The following PHIP variants were observed in gnomAD, a reference collection of about 807,000 sequenced individuals.
PHIP encodes PHIP subunit of CUL4-Ring ligase complex.
Under a neutral mutation model 236.8 loss-of-function variants are expected in PHIP, and 54 were observed. The ratio of observed to expected loss-of-function variants is 0.23; its 90% CI spans 0.18 to 0.29. PHIP has a LOEUF of 0.29. Among genes scored for constraint, PHIP ranks in the 10% least tolerant of loss-of-function variants. PHIP has a pLI of 1.00. For synonymous variants in PHIP, 756 were observed against 718.9 expected (o/e 1.05, Z -0.83); for missense variants, 1,370 against 2,190.8 (o/e 0.63, Z 7.48).
intron 4 of PHIP, among the ~76,000 whole-genome samples, chr6:79,070,445 A>G (rs556374747): frequency 6.6e-6 from 1 of 152,362 alleles, no homozygotes; most frequent in South Asian, 2.1e-4. Context: ...TGTTTCAGAC[A>G]ACGGATGTTT....
Position 79,020,573 on chromosome 6 carries a change from A to T in PHIP, c.924-1414T>A, listed in dbSNP as rs148856247. Among the ~76,000 whole-genome samples, 96 of 152,348 alleles carry T rather than the reference A, an allele frequency of 6.3e-4. 1 individual carries two copies. The South Asian group carries it at 8.1e-3, about 13-fold the overall frequency. Reference sequence around the variant, plus strand: ...TTTAATTTTTGGTACATCTGCTCACATAAGTTCCAAGCAACCATTTACCTG... The same window carrying T: ...TTTAATTTTTGGTACATCTGCTCACTTAAGTTCCAAGCAACCATTTACCTG... On this transcript the variant is annotated intron_variant, in intron 9 of 39. Coordinates refer to ENST00000275034, the MANE Select transcript of PHIP (RefSeq NM_017934.7).
chr6:78,943,781 G>A (rs1237111119), intron 39 of PHIP, among the ~76,000 whole-genome samples: 3 of 152,034 alleles, frequency 2.0e-5, no homozygotes, highest in Non-Finnish European at 4.4e-5. Context: ...GAGGCCAGAA[G>A]TTTGAGACCA....
chr6:79,046,081 A>G (rs1772469584), intron 6 of PHIP, among the ~76,000 whole-genome samples: 1 of 152,084 alleles, frequency 6.6e-6, no homozygotes, highest in Non-Finnish European at 1.5e-5. Context: ...ACATCAGCCT[A>G]AGACGGCCCT....
At position 78,938,486 on chromosome 6, in the gene PHIP, C is replaced by A. The variant is rs1773353475; in HGVS notation, c.*2207G>T. On this transcript the variant is annotated 3_prime_UTR_variant, in exon 40 of 40. Transcript: ENST00000275034. Reference sequence around the variant, plus strand: ...TTATAGCCTATTATTTTTTTCTTAACACAATGCAGATAACATCAGGAAATT... The same window carrying A: ...TTATAGCCTATTATTTTTTTCTTAAAACAATGCAGATAACATCAGGAAATT... 1 of 151,400 alleles carries A rather than the reference C, an allele frequency of 6.6e-6. No individual in the cohort carries two copies. The highest frequency in any genetic ancestry group is 2.1e-4 in the South Asian group (1 of 4,830). The allele number at this position is 151,400 out of a possible 1,614,324, so 9.4% of individuals were successfully genotyped here. A position where few individuals can be genotyped will look rare whatever the true frequency, so the allele number is the denominator to read the frequency against.
intron 4 of PHIP, among the ~76,000 whole-genome samples, chr6:79,068,320 G>A (rs930998195): frequency 5.9e-5 from 9 of 152,094 alleles, no homozygotes; most frequent in South Asian, 2.1e-4. Flanking sequence ...AAAATTAGCC[G>A]GACGTGGTGG....
chr6:78,942,321 A>AAG (rs1773546834), intron 39 of PHIP, among the ~76,000 whole-genome samples: 1 of 152,148 alleles, frequency 6.6e-6, no homozygotes, highest in Non-Finnish European at 1.5e-5. Context: ...CGTCTCTACT[A>AAG]AAAGTACAAA....
chr6:78,947,994 G>A (rs1434155336), intron 35 of PHIP, among the ~76,000 whole-genome samples: 1 of 151,222 alleles, frequency 6.6e-6, no homozygotes, highest in Non-Finnish European at 1.5e-5. Context: ...TCTTATTCAA[G>A]AACACAGAAG....
At chr6:79,064,769 C>A (rs958768742) in intron 4 of PHIP, among the ~76,000 whole-genome samples, 2 of 152,162 alleles carry the variant, frequency 1.3e-5, no homozygotes, top group African/African-American at 4.8e-5. Context: ...AGTTCCAGAT[C>A]CTCTTTTCTT....
At chr6:78,998,494 T>C (rs1249124583) in intron 17 of PHIP, 103 bp from the exon 18 acceptor site, 6 of 843,062 alleles carry the variant, frequency 7.1e-6, no homozygotes, top group Non-Finnish European at 1.1e-5. Context: ...TAAATGTTGC[T>C]TGGGTAAAAG....
Position 79,003,802 on chromosome 6 carries a change from C to T in PHIP, c.1581G>A (p.Gln527=). 6.2e-7 allele frequency: 1 copy of T among 1,610,052 alleles called. No homozygotes were observed. Among genetic ancestry groups the T allele is most frequent in the Non-Finnish European group, 8.5e-7 (1 of 1,177,406 alleles). The change falls in exon 16 of 40, where the codon CAG becomes CAA. Residue 527 remains glutamine (Q), a synonymous_variant. Coordinates refer to ENST00000275034, the MANE Select transcript of PHIP (RefSeq NM_017934.7). ...VFDCKCSPDG[Q]HFACTDSHGH... The stretch of plus-strand genomic sequence containing the variant: ...CATGAGAGTCTGTGCATGCAAAATG[C>T]TGACCATCAGGAGAGCATTTGCAGT...
At position 79,025,445 on chromosome 6, in the gene PHIP, G is replaced by A. The variant is rs574324583; in HGVS notation, c.923+74C>T. The A allele has an allele frequency of 2.6e-4, 215 of 813,324 alleles. 3 individuals carry two copies. In the South Asian group the frequency reaches 3.1e-3, roughly 12 times the overall value. 50.4% of individuals were successfully genotyped at this position (813,324 alleles called of 1,614,324 possible). On this transcript the variant is annotated intron_variant, in intron 9 of 39. Transcript: ENST00000275034. ...AAAAAGTAAATGTATTCCTATTGTC[G>A]ACTACTTTATACTTTTGCAATTTCA...
intron 36 of PHIP, among the ~76,000 whole-genome samples, chr6:78,947,285 A>G (rs574119276): frequency 2.0e-5 from 3 of 152,290 alleles, no homozygotes; most frequent in South Asian, 4.1e-4. Context: ...GTTAAATTAT[A>G]TTTTTACTTA....
intron 4 of PHIP, among the ~76,000 whole-genome samples, chr6:79,076,241 G>A (rs1169279526): frequency 6.6e-6 from 1 of 152,184 alleles, no homozygotes; most frequent in East Asian, 1.9e-4. Flanking sequence ...TTATAATCAT[G>A]TCCTGCTTTC....
chr6:78,991,964 C>CTTTTTTTT (rs1250908263), intron 19 of PHIP, among the ~76,000 whole-genome samples: 1 of 133,056 alleles, frequency 7.5e-6, no homozygotes, highest in Non-Finnish European at 1.6e-5. Context: ...CAAATAGTAA[C>CTTTTTTTT]TTTTTTTTTT....
chr6:78,999,563 C>A (rs1037093251), intron 17 of PHIP, among the ~76,000 whole-genome samples: 1 of 151,968 alleles, frequency 6.6e-6, no homozygotes, highest in Non-Finnish European at 1.5e-5. Context: ...AATATTCACT[C>A]TTGCTGAATA....
At chr6:79,006,888 G>A (rs1210762953) in intron 15 of PHIP, among the ~76,000 whole-genome samples, 1 of 151,960 alleles carries the variant, frequency 6.6e-6, no homozygotes, top group East Asian at 1.9e-4. Context: ...GATAATCTAT[G>A]AGACAGTATT....
chr6:78,996,940 C>A (rs898480012), intron 19 of PHIP, among the ~76,000 whole-genome samples: 1 of 151,386 alleles, frequency 6.6e-6, no homozygotes, highest in African/African-American at 2.4e-5. Flanking sequence ...TAAATCAATA[C>A]TTTTAAAGTC....
intron 10 of PHIP, 120 bp from the exon 11 acceptor site, chr6:79,017,703 C>T (rs1770900916): frequency 1.5e-6 from 1 of 653,940 alleles, no homozygotes; most frequent in Non-Finnish European, 2.7e-6. Flanking sequence ...ACTCCAAAAC[C>T]ATTCACATTT....
chr6:79,043,504 C>T (rs1484113121), intron 6 of PHIP, among the ~76,000 whole-genome samples: 1 of 152,076 alleles, frequency 6.6e-6, no homozygotes, highest in African/African-American at 2.4e-5. Flanking sequence ...AGGAATACGT[C>T]ATTTGCATTA....
Sources: gnomAD v4.1 joint callset for allele counts (sites outside exome capture counted in the v4.1 genomes callset) on GRCh38, gnomAD v4.1.1 for gene constraint, MANE v1.5 for transcripts, NCBI Gene and HGNC (gene_info 2026-07-23, HGNC 2026-07-21) for gene names.